The following PKD1L1 variants were observed in gnomAD, a reference collection of about 807,000 sequenced individuals.
PKD1L1 encodes the protein polycystin-1-like protein 1.
Under a neutral mutation model 323.4 loss-of-function variants are expected in PKD1L1, and 236 were observed. The observed-to-expected ratio is 0.73, with a 90% CI of 0.66 to 0.81. PKD1L1 has a LOEUF of 0.81. Ranked by LOEUF, PKD1L1 falls within the 40% of genes least tolerant of loss-of-function variation. The pLI is 0.00. For missense variants in PKD1L1, 3,320 were observed against 3,508.0 expected, an observed-to-expected ratio of 0.95 and a Z score of 1.35; for synonymous variants, 1,344 against 1,335.0, an observed-to-expected ratio of 1.01 and a Z score of -0.15.
intron 47 of PKD1L1, among the ~76,000 whole-genome samples, chr7:47,815,068 C>T (rs1784985774): frequency 6.6e-6 from 1 of 152,116 alleles, no homozygotes; most frequent in African/African-American, 2.4e-5. Flanking sequence ...CTGCCATAGC[C>T]CTTGTGTCTA....
intron 34 of PKD1L1, 69 bp downstream of exon 34, chr7:47,842,893 C>T: frequency 6.9e-7 from 1 of 1,447,062 alleles, no homozygotes; most frequent in Non-Finnish European, 9.4e-7. Context: ...GCCAAATCAC[C>T]AAATCCTCAC....
rs756169711 is a variant in PKD1L1 at position 47,855,187 on chromosome 7, C to T, written c.4669G>A (p.Val1557Met). Reference protein sequence around the residue: ...PINRQWLRKPVMVEFGEEDGL... With the variant: ...PINRQWLRKPMMVEFGEEDGL... ...TCCTCCTCCCCAAACTCGACCATCA[C>T]GGGTTTCCTTAGCCATTGCCTGTTG... The change falls in exon 29 of 57, where the codon GTG becomes ATG. Residue 1557 changes from valine (V) to methionine (M), a missense_variant. By Grantham distance (21) the Val-to-Met change is conservative. Coordinates refer to ENST00000289672, the MANE Select transcript of PKD1L1 (RefSeq NM_138295.5). 10 of 1,614,038 alleles carry T rather than the reference C, an allele frequency of 6.2e-6. No homozygotes were observed. Among genetic ancestry groups the T allele is most frequent in the South Asian group, 2.2e-5 (2 of 91,082 alleles).
At chr7:47,811,687 G>T in intron 50 of PKD1L1, 130 bp downstream of exon 50, 1 of 714,876 alleles carries the variant, frequency 1.4e-6, no homozygotes, top group Non-Finnish European at 2.3e-6. Context: ...AAGGGGATGT[G>T]ACAAAGAGTG....
At chr7:47,932,503 C>T (rs1458031676) in intron 4 of PKD1L1, among the ~76,000 whole-genome samples, 1 of 152,216 alleles carries the variant, frequency 6.6e-6, no homozygotes, top group South Asian at 2.1e-4. Flanking sequence ...GGCAGGGAGG[C>T]AGGGCTTGGG....
At chr7:47,803,007 A>T (rs933788163) in intron 53 of PKD1L1, among the ~76,000 whole-genome samples, 1 of 152,248 alleles carries the variant, frequency 6.6e-6, no homozygotes, top group African/African-American at 2.4e-5. Flanking sequence ...TTCCTAAATC[A>T]TGGTTATTGT....
upstream of PKD1L1, chr7:47,948,481 C>G (rs753264852): frequency 1.0e-5 from 16 of 1,601,774 alleles, no homozygotes; most frequent in Admixed American, 2.7e-4. Context: ...GTCAGCAGAC[C>G]AGCTTCTTCC....
At chr7:47,894,845 G>C (rs1222627849) in intron 14 of PKD1L1, among the ~76,000 whole-genome samples, 1 of 134,052 alleles carries the variant, frequency 7.5e-6, no homozygotes, top group Non-Finnish European at 1.6e-5. Flanking sequence ...GCAACAGAGT[G>C]AGACCCTGTC....
At chr7:47,877,729 A>G in intron 21 of PKD1L1, 98 bp from the exon 22 acceptor site, 2 of 1,398,250 alleles carry the variant, frequency 1.4e-6, no homozygotes, top group Non-Finnish European at 1.9e-6. Context: ...AGGGGTTCTC[A>G]AAGTAGGGTC....
intron 16 of PKD1L1, among the ~76,000 whole-genome samples, chr7:47,890,129 C>A (rs970637517): frequency 1.2e-4 from 18 of 152,216 alleles, no homozygotes; most frequent in Non-Finnish European, 4.4e-5. Context: ...ACACTGCTGT[C>A]CCCTCCATCC....
At position 47,855,211 on chromosome 7, in the gene PKD1L1, T is replaced by G. The variant is rs1236193319; in HGVS notation, c.4645A>C (p.Asn1549His). 9 of 1,614,092 alleles carry G rather than the reference T, an allele frequency of 5.6e-6. No individual in the cohort carries two copies. In the African/African-American group the frequency reaches 1.2e-4, roughly 22 times the overall value. Reference protein sequence around the residue: ...LYTCSSRRPINRQWLRKPVMV... With the variant: ...LYTCSSRRPIHRQWLRKPVMV... ...ACGGGTTTCCTTAGCCATTGCCTGT[T>G]GATGGGTCTTCTGCTGGAGCAGGTA... The change falls in exon 29 of 57, where the codon AAC becomes CAC. Residue 1549 changes from asparagine to histidine, a missense_variant. By Grantham distance (68) the Asn-to-His change is moderately conservative. Coordinates refer to ENST00000289672, the MANE Select transcript of PKD1L1 (RefSeq NM_138295.5).
intron 54 of PKD1L1, among the ~76,000 whole-genome samples, chr7:47,799,641 G>C (rs1311202332): frequency 6.6e-6 from 1 of 152,156 alleles, no homozygotes; most frequent in East Asian, 1.9e-4. Context: ...ATCGGTGCTG[G>C]GAGAGCTTCT....
chr7:47,776,132 G>A (rs1396084538), intron 56 of PKD1L1, among the ~76,000 whole-genome samples: 1 of 152,156 alleles, frequency 6.6e-6, no homozygotes, highest in Non-Finnish European at 1.5e-5. Flanking sequence ...AAAAGAAATA[G>A]ATAAGCTGTA....
chr7:47,789,887 TTTATTTA>T (rs1210737841), intron 56 of PKD1L1, among the ~76,000 whole-genome samples: 2 of 152,188 alleles, frequency 1.3e-5, no homozygotes, highest in Non-Finnish European at 2.9e-5. Context: ...TCTATTTTAT[TTTATTTA>T]TTATTTATTT....
Position 47,834,312 on chromosome 7 carries a change from A to G in PKD1L1, c.6174+27T>C, listed in dbSNP as rs769637550. 12 of 1,607,702 alleles carry G rather than the reference A, an allele frequency of 7.5e-6. No homozygotes were observed. The South Asian group carries it at 1.3e-4, about 18-fold the overall frequency. Reference sequence around the variant, plus strand: ...TGTTTGCATTTCATGCTAGAAGATTAGCTGCTGCGCATAATGATTGATTTA... The same window carrying G: ...TGTTTGCATTTCATGCTAGAAGATTGGCTGCTGCGCATAATGATTGATTTA... On this transcript the variant is annotated intron_variant, in intron 40 of 56. Coordinates refer to ENST00000289672, the MANE Select transcript of PKD1L1 (RefSeq NM_138295.5).
intron 3 of PKD1L1, 79 bp from the exon 4 acceptor site, chr7:47,937,037 AT>A: frequency 8.8e-7 from 1 of 1,133,674 alleles, no homozygotes. Flanking sequence ...ATATTACTTC[AT>A]TAACAAAATA....
At chr7:47,807,328 G>A (rs994205546) in intron 52 of PKD1L1, among the ~76,000 whole-genome samples, 20 of 152,098 alleles carry the variant, frequency 1.3e-4, no homozygotes, top group Admixed American at 8.5e-4. Context: ...TAGAGGAAAC[G>A]AGCCTCATCC....
intron 56 of PKD1L1, among the ~76,000 whole-genome samples, chr7:47,782,490 T>C (rs960093275): frequency 1.2e-4 from 18 of 152,188 alleles, no homozygotes; most frequent in African/African-American, 4.1e-4. Flanking sequence ...AATACTTAAA[T>C]TGATTATAAA....
At position 47,929,505 on chromosome 7, in the gene PKD1L1, G is replaced by A; in HGVS notation, c.759C>T (p.Gly253=). ...SPRSSHGLPP[G]IPRTPSFTAS... The stretch of plus-strand genomic sequence containing the variant: ...CCGTGAAGCTGGGGGTGCGAGGAAT[G>A]CCAGGCGGAAGGCCGTGGGAGCTGT... Residue 253 remains glycine, a synonymous_variant, in exon 7 of 57, where the codon GGC becomes GGT. Coordinates refer to ENST00000289672, the MANE Select transcript of PKD1L1 (RefSeq NM_138295.5). 1.2e-6 allele frequency: 2 copies of A among 1,613,682 alleles called. No homozygotes were observed. The highest frequency in any genetic ancestry group is 1.1e-5 in the South Asian group (1 of 91,020).
chr7:47,833,943 G>A (rs1048657570), intron 40 of PKD1L1, among the ~76,000 whole-genome samples: 6 of 152,222 alleles, frequency 3.9e-5, no homozygotes, highest in African/African-American at 1.4e-4. Context: ...TCACAAGGAG[G>A]TGGAGAAGCT....
Sources: gnomAD v4.1 joint callset for allele counts (sites outside exome capture counted in the v4.1 genomes callset) on GRCh38, gnomAD v4.1.1 for gene constraint, MANE v1.5 for transcripts, NCBI Gene and HGNC (gene_info 2026-07-23, HGNC 2026-07-21) for gene names.